SLC14A2: variants seen among roughly 807,000 people sequenced by gnomAD.
SLC14A2 encodes the protein urea transporter 2.
In SLC14A2, 91 loss-of-function variants were observed where a neutral mutation model predicts 104.6. The observed-to-expected ratio is 0.87, with a 90% confidence interval of 0.73 to 1.04. The LOEUF is 1.04. SLC14A2 is among the 50% of genes least tolerant of loss of function. The pLI is 0.00. For missense variants in SLC14A2, 1,189 were observed against 1,156.0 expected, an observed-to-expected ratio of 1.03 and a Z score of -0.41; for synonymous variants, 476 against 466.4, an observed-to-expected ratio of 1.02 and a Z score of -0.27.
At chr18:45,533,719 G>A (rs1395422252) in intron 2 of SLC14A2, among the ~76,000 whole-genome samples, 1 of 152,074 alleles carries the variant, frequency 6.6e-6, no homozygotes, top group Non-Finnish European at 1.5e-5. Context: ...TCTGATCTTA[G>A]TTATTTCTTG....
intron 1 of SLC14A2, among the ~76,000 whole-genome samples, chr18:45,257,012 T>G (rs2084486158): frequency 6.6e-6 from 1 of 152,228 alleles, no homozygotes; most frequent in Admixed American, 6.5e-5. Flanking sequence ...TGTGGATAAA[T>G]TGTATTTGTT....
the SLC14A2 span, among the ~76,000 whole-genome samples, chr18:45,205,953 C>T: frequency 6.6e-6 from 1 of 152,174 alleles, no homozygotes; most frequent in Non-Finnish European, 1.5e-5. Flanking sequence ...TGATTCAGTC[C>T]ACCAGTTCCA....
At chr18:45,546,768 T>C (rs1034916480) in intron 2 of SLC14A2, among the ~76,000 whole-genome samples, 3 of 152,310 alleles carry the variant, frequency 2.0e-5, no homozygotes, top group Non-Finnish European at 2.9e-5. Flanking sequence ...CTCATGAGGT[T>C]GTAATGCAGA....
chr18:45,455,637 C>CATAATAATA (rs141156069), intron 1 of SLC14A2, among the ~76,000 whole-genome samples: 50,141 of 148,650 alleles, frequency 0.34, 10,308 homozygotes, highest in Non-Finnish European at 0.46. Context: ...GAACTTAAAG[C>CATAATAATA]ATAATAATAA....
At chr18:45,607,734 G>A (rs765503434) in intron 2 of SLC14A2, among the ~76,000 whole-genome samples, 20 of 152,220 alleles carry the variant, frequency 1.3e-4, no homozygotes, top group Non-Finnish European at 1.8e-4. Flanking sequence ...TTTTCTGGCT[G>A]AGGCTCTCTA....
At chr18:45,281,062 A>T (rs540104831) in intron 1 of SLC14A2, among the ~76,000 whole-genome samples, 8 of 152,266 alleles carry the variant, frequency 5.3e-5, no homozygotes, top group African/African-American at 1.7e-4. Flanking sequence ...CAGTCTAAAC[A>T]GTCATTCCGT....
At chr18:45,653,730 A>C (rs1054848482) in intron 10 of SLC14A2, among the ~76,000 whole-genome samples, 3 of 152,164 alleles carry the variant, frequency 2.0e-5, no homozygotes, top group Non-Finnish European at 4.4e-5. Flanking sequence ...CCCAGTCAGC[A>C]GGAATCAGAA....
At chr18:45,191,978 A>G in the SLC14A2 span, among the ~76,000 whole-genome samples, 6 of 152,200 alleles carry the variant, frequency 3.9e-5, no homozygotes, top group Admixed American at 1.3e-4. Context: ...GCCCCCAAAG[A>G]GGAATTACAA....
chr18:45,437,643 G>A (rs958131398), intron 1 of SLC14A2, among the ~76,000 whole-genome samples: 6 of 152,260 alleles, frequency 3.9e-5, no homozygotes, highest in Admixed American at 6.5e-5. Context: ...CCCTCCAGCC[G>A]CACCAGCAGT....
Position 45,600,046 on chromosome 18 carries a change from C to T in SLC14A2, c.-34-24585C>T, listed in dbSNP as rs59555047. Among the ~76,000 whole-genome samples, 650 of 152,186 alleles carry T rather than the reference C, an allele frequency of 4.3e-3. 6 individuals carry two copies. The highest frequency in any genetic ancestry group is 0.015 in the African/African-American group (628 of 41,506). ...TATCAGAGCCCTTCTCAGGTACTTG[C>T]TCATCTGATCCCCACAACAGCCCAT... is the stretch of plus-strand genomic sequence containing the variant. On this transcript the variant is annotated intron_variant, in intron 2 of 20. Transcript: ENST00000586448.
chr18:45,519,219 C>T (rs1019038519), intron 2 of SLC14A2, among the ~76,000 whole-genome samples: 9 of 152,140 alleles, frequency 5.9e-5, no homozygotes, highest in Admixed American at 3.3e-4. Flanking sequence ...CACTGCAGAG[C>T]GCACTAACAA....
At position 45,229,402 on chromosome 18, in the gene SLC14A2, TTTTG is replaced by T. The variant is rs146538293; in HGVS notation, c.-125+16239_-125+16242del. Reference sequence around the variant, plus strand: ...AAGACAGCAATGATCCCCGTAGGTTTTTTGTTTGTTTGTTTGTTTGTTTGTTTGT... The same window carrying T: ...AAGACAGCAATGATCCCCGTAGGTTTTTTGTTTGTTTGTTTGTTTGTTTGT... On this transcript the variant is annotated intron_variant, in intron 1 of 20. Coordinates refer to the SLC14A2 transcript ENST00000586448. Among the ~76,000 whole-genome samples, 540 of 151,680 alleles carry T rather than the reference TTTTG, an allele frequency of 3.6e-3. 4 individuals carry two copies. The highest frequency in any genetic ancestry group is 0.012 in the African/African-American group (478 of 41,226).
upstream of SLC14A2, among the ~76,000 whole-genome samples, chr18:45,210,076 T>G (rs1171844629): frequency 2.0e-5 from 3 of 152,188 alleles, no homozygotes; most frequent in Non-Finnish European, 4.4e-5. Flanking sequence ...ACCCCTACTG[T>G]TGTCTCCAGA....
chr18:45,419,495 C>T (rs143624725), intron 1 of SLC14A2, among the ~76,000 whole-genome samples: 3 of 152,304 alleles, frequency 2.0e-5, no homozygotes, highest in East Asian at 1.9e-4. Flanking sequence ...TTTATCAGGT[C>T]GGGCGTGGTG....
chr18:45,653,270 C>A (rs2045771500), intron 10 of SLC14A2, among the ~76,000 whole-genome samples: 1 of 152,096 alleles, frequency 6.6e-6, no homozygotes, highest in Admixed American at 6.5e-5. Context: ...CTCCTCCCAC[C>A]CCCTTTGTTT....
intron 1 of SLC14A2, among the ~76,000 whole-genome samples, chr18:45,405,656 G>C (rs1291098484): frequency 6.6e-6 from 1 of 151,998 alleles, no homozygotes; most frequent in Non-Finnish European, 1.5e-5. Flanking sequence ...TAATTCCAGC[G>C]CTTTGGGAGG....
At chr18:45,228,246 GA>G (rs1456708214) in intron 1 of SLC14A2, among the ~76,000 whole-genome samples, 3 of 152,174 alleles carry the variant, frequency 2.0e-5, no homozygotes, top group Non-Finnish European at 4.4e-5. Flanking sequence ...AAGGTCATTG[GA>G]AAAGAATATT....
At chr18:45,514,222 G>A (rs1396442132) in intron 2 of SLC14A2, among the ~76,000 whole-genome samples, 1 of 152,146 alleles carries the variant, frequency 6.6e-6, no homozygotes, top group African/African-American at 2.4e-5. Flanking sequence ...TTCTGCTTCT[G>A]GGGAGGCCTC....
At chr18:45,192,047 A>G in the SLC14A2 span, among the ~76,000 whole-genome samples, 1 of 152,170 alleles carries the variant, frequency 6.6e-6, no homozygotes, top group African/African-American at 2.4e-5. Context: ...GAATATCCAT[A>G]TGCTATGGCT....
Sources: allele counts gnomAD v4.1 joint callset (sites outside exome capture counted in the v4.1 genomes callset), GRCh38; gene constraint gnomAD v4.1.1; transcripts MANE v1.5; gene names NCBI Gene and HGNC (gene_info 2026-07-23, HGNC 2026-07-21).